CADPS2: variants seen among roughly 807,000 people sequenced by gnomAD.
The protein encoded by CADPS2 is calcium dependent secretion activator 2, also known as calcium-dependent secretion activator 2.
A neutral mutation model predicts 172.5 loss-of-function variants in CADPS2; 93 were observed. The observed-to-expected ratio is 0.54, with a 90% CI of 0.46 to 0.64. CADPS2 has a LOEUF of 0.64. Ranked by LOEUF, CADPS2 falls within the 30% of genes least tolerant of loss-of-function variation. The pLI, the probability that CADPS2 is intolerant of heterozygous loss-of-function variation, is 0.00. For synonymous variants in CADPS2, 546 were observed against 555.2 expected, an observed-to-expected ratio of 0.98 and a Z score of 0.23; for missense variants, 1,420 against 1,565.9, an observed-to-expected ratio of 0.91 and a Z score of 1.57.
rs758220762 is a variant in CADPS2 at position 122,490,083 on chromosome 7, A to T, written c.1850T>A (p.Leu617His). ...KGGTLHADAQ[L>H]SGKDADRFQK... ...AATTATTTTTTAACAAAACTTACAA[A>T]GCTGAGCATCTGCATGGAGAGTTCC... Residue 617 changes from leucine to histidine, a missense_variant and splice_region_variant, in exon 11 of 30, where the codon CTT becomes CAT. Transcript: ENST00000449022. 1.9e-6 allele frequency: 3 copies of T among 1,612,936 alleles called. No homozygotes were observed. In the South Asian group the frequency reaches 3.3e-5, roughly 18 times the overall value.
At chr7:122,350,179 T>C (rs2038328288) in intron 27 of CADPS2, among the ~76,000 whole-genome samples, 1 of 152,158 alleles carries the variant, frequency 6.6e-6, no homozygotes, top group Non-Finnish European at 1.5e-5. Flanking sequence ...TGGCCATTCA[T>C]TACCATTTGA....
intron 7 of CADPS2, among the ~76,000 whole-genome samples, chr7:122,574,792 T>A (rs981160092): frequency 6.6e-6 from 1 of 152,166 alleles, no homozygotes; most frequent in African/African-American, 2.4e-5. Context: ...CACACAAATT[T>A]TTTTTAAATC....
At chr7:122,877,967 T>C (rs1351429929) in intron 1 of CADPS2, among the ~76,000 whole-genome samples, 1 of 152,110 alleles carries the variant, frequency 6.6e-6, no homozygotes, top group Non-Finnish European at 1.5e-5. Flanking sequence ...GCCAGTGCTT[T>C]CCTAACAAAG....
At chr7:122,861,391 T>C (rs1816907438) in intron 1 of CADPS2, among the ~76,000 whole-genome samples, 1 of 152,202 alleles carries the variant, frequency 6.6e-6, no homozygotes, top group South Asian at 2.1e-4. Flanking sequence ...TGTTGACCAT[T>C]TGTATATCTT....
intron 2 of CADPS2, among the ~76,000 whole-genome samples, chr7:122,724,039 G>T (rs1247090908): frequency 7.6e-6 from 1 of 131,958 alleles, no homozygotes; most frequent in Non-Finnish European, 1.6e-5. Flanking sequence ...GGGGTGGAGG[G>T]AGGGGGGAGG....
At chr7:122,816,175 C>T (rs1329105718) in intron 1 of CADPS2, among the ~76,000 whole-genome samples, 5 of 149,982 alleles carry the variant, frequency 3.3e-5, no homozygotes, top group African/African-American at 4.9e-5. Flanking sequence ...CCCACCCCCA[C>T]CCACCCCTTA....
chr7:122,492,901 G>C (rs544527979), intron 9 of CADPS2, among the ~76,000 whole-genome samples: 1 of 152,142 alleles, frequency 6.6e-6, no homozygotes, highest in East Asian at 1.9e-4. Context: ...GTCTCTGTCT[G>C]TTACCTGGGC....
chr7:122,833,003 A>G (rs915744824), intron 1 of CADPS2, among the ~76,000 whole-genome samples: 1 of 152,224 alleles, frequency 6.6e-6, no homozygotes, highest in Non-Finnish European at 1.5e-5. Flanking sequence ...GCATTCTAAC[A>G]TCTATTTCCT....
At chr7:122,352,963 G>A (rs188643728) in intron 27 of CADPS2, among the ~76,000 whole-genome samples, 5 of 152,256 alleles carry the variant, frequency 3.3e-5, no homozygotes, top group East Asian at 1.9e-4. Context: ...CATGGGAGCC[G>A]GAAGCATCAT....
intron 9 of CADPS2, among the ~76,000 whole-genome samples, chr7:122,512,233 G>A (rs143740538): frequency 3.1e-4 from 47 of 152,162 alleles, no homozygotes; most frequent in Middle Eastern, 3.4e-3. Context: ...ATGGCTGTAC[G>A]TACTCACTGG....
At chr7:122,425,069 C>G (rs1218249410) in intron 17 of CADPS2, among the ~76,000 whole-genome samples, 4 of 151,952 alleles carry the variant, frequency 2.6e-5, no homozygotes, top group Non-Finnish European at 5.9e-5. Context: ...AGCCTCGAAC[C>G]CCCAGGCCCC....
chr7:122,743,076 C>T (rs1469939391), intron 1 of CADPS2, among the ~76,000 whole-genome samples: 2 of 152,002 alleles, frequency 1.3e-5, no homozygotes, highest in Admixed American at 6.6e-5. Flanking sequence ...GAAAATTTGA[C>T]CAGCAGAAAT....
At chr7:122,672,399 G>C (rs1052921992) in intron 2 of CADPS2, among the ~76,000 whole-genome samples, 1 of 152,126 alleles carries the variant, frequency 6.6e-6, no homozygotes, top group African/African-American at 2.4e-5. Flanking sequence ...TGCTGGTGTC[G>C]AAGCTGTCAT....
Position 122,716,568 on chromosome 7 carries a change from T to C in CADPS2, c.453+20387A>G, listed in dbSNP as rs901720099. On this transcript the variant is annotated intron_variant, in intron 2 of 29. Transcript: ENST00000449022. ...CGGGGAGGGATAGCATTAGGAGATA[T>C]ACCTAAGGTAAATGATGAGTTAATG... Among the ~76,000 whole-genome samples the C allele has an allele frequency of 3.3e-5, 5 of 152,070 alleles. No homozygotes were observed. In the East Asian group the frequency reaches 7.7e-4, roughly 24 times the overall value.
chr7:122,760,361 T>A (rs1041914363), intron 1 of CADPS2, among the ~76,000 whole-genome samples: 1 of 152,124 alleles, frequency 6.6e-6, no homozygotes, highest in Non-Finnish European at 1.5e-5. Flanking sequence ...TTAGCAGATA[T>A]ATATAATATT....
In CADPS2 at chr7:122,621,637, T is replaced by C; in HGVS notation, c.948A>G (p.Leu316=). The C allele has an allele frequency of 6.2e-7, 1 of 1,612,370 alleles. No individual in the cohort carries two copies. ...CTGGAAGACTTTCCAAATTGGCCAT[T>C]AGCAAATTCACTGAAGACCGCAACT... ...IEELRSSVNL[L]MANLESLPVS... is the part of the protein sequence containing the mutation. The change falls in exon 5 of 30, where the codon CTA becomes CTG. Residue 316 remains leucine (L), a synonymous_variant. Coordinates refer to ENST00000449022, the MANE Select transcript of CADPS2 (RefSeq NM_017954.11).
chr7:122,560,109 T>C (rs543218534), intron 7 of CADPS2, among the ~76,000 whole-genome samples: 14 of 152,210 alleles, frequency 9.2e-5, no homozygotes, highest in African/African-American at 1.9e-4. Context: ...GAGGGACATA[T>C]CATGTTTGAG....
chr7:122,474,653 T>C, intron 12 of CADPS2, 136 bp from the exon 13 acceptor site: 1 of 781,190 alleles, frequency 1.3e-6, no homozygotes, highest in Non-Finnish European at 1.9e-6. Flanking sequence ...TGCCAAGAGT[T>C]CAGCATATTA....
intron 17 of CADPS2, among the ~76,000 whole-genome samples, chr7:122,422,557 A>C (rs1325491007): frequency 6.6e-6 from 1 of 152,124 alleles, no homozygotes; most frequent in Non-Finnish European, 1.5e-5. Context: ...ACACATATAC[A>C]CAATGCTTTG....
Sources: gnomAD v4.1 joint callset for allele counts (sites outside exome capture counted in the v4.1 genomes callset) on GRCh38, gnomAD v4.1.1 for gene constraint, MANE v1.5 for transcripts, NCBI Gene and HGNC (gene_info 2026-07-23, HGNC 2026-07-21) for gene names.